The following ASZ1 variants were observed in gnomAD, a reference collection of about 807,000 sequenced individuals.
The protein encoded by ASZ1 is ankyrin repeat, SAM and basic leucine zipper domain-containing protein 1.
In ASZ1, 67 loss-of-function variants were observed where a neutral mutation model predicts 61.8. The observed-to-expected ratio is 1.08, with a 90% CI of 0.89 to 1.33. The LOEUF is 1.33. Among genes scored for constraint, ASZ1 ranks in the 40% most tolerant of loss-of-function variants. The probability of loss-of-function intolerance (pLI) is 0.00; values close to 1 mark genes in which losing one functional copy is unlikely to be tolerated. For missense variants in ASZ1, 577 were observed against 554.5 expected (o/e 1.04, Z -0.41); for synonymous variants, 193 against 192.7 (o/e 1.00, Z -0.01).
chr7:117,419,530 T>C (rs1041592239), intron 4 of ASZ1, among the ~76,000 whole-genome samples: 40 of 152,306 alleles, frequency 2.6e-4, no homozygotes, highest in African/African-American at 9.6e-4. Flanking sequence ...TCCTACTCAT[T>C]TTAAAGATTA....
chr7:117,399,224 GTC>G (rs1268125061), intron 4 of ASZ1, among the ~76,000 whole-genome samples: 1 of 152,090 alleles, frequency 6.6e-6, no homozygotes, highest in Non-Finnish European at 1.5e-5. Flanking sequence ...GCAAGACTGT[GTC>G]TCAAAACTGA....
intron 4 of ASZ1, among the ~76,000 whole-genome samples, chr7:117,400,276 A>G (rs1455004798): frequency 6.6e-6 from 1 of 152,230 alleles, no homozygotes; most frequent in Admixed American, 6.5e-5. Context: ...TCCAGCTATC[A>G]GAAAAGTTTT....
intron 4 of ASZ1, among the ~76,000 whole-genome samples, chr7:117,403,881 G>T (rs538594303): frequency 6.6e-6 from 1 of 152,156 alleles, no homozygotes; most frequent in African/African-American, 2.4e-5. Flanking sequence ...CAGATCAGTG[G>T]TGGCATTAGA....
Position 117,426,839 on chromosome 7 carries a change from A to G in ASZ1, c.202T>C (p.Ser68Pro). 6.3e-7 allele frequency: 1 copy of G among 1,597,634 alleles called. No homozygotes were observed. The highest frequency in any genetic ancestry group is 8.5e-7 in the Non-Finnish European group (1 of 1,175,590). Residue 68 changes from serine (S) to proline (P), a missense_variant, in exon 2 of 13, where the codon TCT (serine) becomes CCT (proline). Ser to Pro is a moderately conservative substitution (Grantham distance 74). Coordinates refer to ENST00000284629, the MANE Select transcript of ASZ1 (RefSeq NM_130768.3). ...DVSLVQELLD[S>P]GISVDSNFQY... ...GAAACTGTCCCTTATCTCTCACCAG[A>G]ATCTAGGAGCTCCTGGACCAATGAA...
At position 117,420,199 on chromosome 7, in the gene ASZ1, A is replaced by G; in HGVS notation, c.404T>C (p.Leu135Pro). The G allele has an allele frequency of 1.2e-6, 2 of 1,612,014 alleles. No homozygotes were observed. The highest frequency in any genetic ancestry group is 1.7e-6 in the Non-Finnish European group (2 of 1,179,382). ...EEQILKCVEL[L>P]LSRNADPNVA... Reference sequence around the variant, plus strand: ...ATTTGGATCAGCATTTCTTGAAAGTAGTAGTTCTACACACTTCAAGATCTG... The same window carrying G: ...ATTTGGATCAGCATTTCTTGAAAGTGGTAGTTCTACACACTTCAAGATCTG... Residue 135 changes from leucine (L) to proline (P), a missense_variant, in exon 4 of 13, where the codon CTA becomes CCA. Transcript: ENST00000284629.
intron 8 of ASZ1, among the ~76,000 whole-genome samples, chr7:117,381,592 T>C (rs1225358285): frequency 1.3e-5 from 2 of 152,116 alleles, no homozygotes; most frequent in Non-Finnish European, 2.9e-5. Context: ...AACCCCATAA[T>C]GTATGCTTAA....
At position 117,395,112 on chromosome 7, in the gene ASZ1, G is replaced by A. The variant is rs114363455; in HGVS notation, c.441-9303C>T. Among the ~76,000 whole-genome samples the A allele has an allele frequency of 5.9e-3, 900 of 152,326 alleles. 15 individuals carry two copies. Among genetic ancestry groups the A allele is most frequent in the African/African-American group, 0.019 (787 of 41,578 alleles). ...AAAGGCCTCCAAACACAGAAGACAA[G>A]ATAACCTTGTCTATCAGTAATGCAG... On this transcript the variant is annotated intron_variant, in intron 4 of 12. Coordinates refer to ENST00000284629, the MANE Select transcript of ASZ1 (RefSeq NM_130768.3).
chr7:117,405,212 TA>T (rs1261010047), intron 4 of ASZ1, among the ~76,000 whole-genome samples: 1 of 152,178 alleles, frequency 6.6e-6, no homozygotes, highest in African/African-American at 2.4e-5. Context: ...CTGACAGCCC[TA>T]ACTTGTCAGC....
At chr7:117,411,949 C>T (rs1796897249) in intron 4 of ASZ1, among the ~76,000 whole-genome samples, 2 of 151,186 alleles carry the variant, frequency 1.3e-5, no homozygotes, top group Admixed American at 6.6e-5. Flanking sequence ...AATTACAGTA[C>T]ATTAATAATA....
At chr7:117,408,287 G>A (rs1796830181) in intron 4 of ASZ1, among the ~76,000 whole-genome samples, 1 of 152,092 alleles carries the variant, frequency 6.6e-6, no homozygotes, top group Non-Finnish European at 1.5e-5. Flanking sequence ...GCTTTCAGAA[G>A]TTCTAGTGTC....
chr7:117,393,007 T>G (rs1254422131), intron 4 of ASZ1, among the ~76,000 whole-genome samples: 1 of 152,028 alleles, frequency 6.6e-6, no homozygotes, highest in Non-Finnish European at 1.5e-5. Flanking sequence ...CCACCATGCC[T>G]GGCTAATTTT....
chr7:117,423,166 T>C (rs1007224499), intron 2 of ASZ1, among the ~76,000 whole-genome samples: 2 of 152,104 alleles, frequency 1.3e-5, no homozygotes, highest in East Asian at 3.9e-4. Context: ...TGACAAGCAG[T>C]GAGCTAAAAT....
chr7:117,371,832 G>A (rs1206676017), intron 10 of ASZ1, among the ~76,000 whole-genome samples: 1 of 152,104 alleles, frequency 6.6e-6, no homozygotes, highest in Non-Finnish European at 1.5e-5. Flanking sequence ...ACTGATAGCA[G>A]GTATGTAATT....
intron 4 of ASZ1, among the ~76,000 whole-genome samples, chr7:117,408,892 A>G (rs973020315): frequency 3.3e-5 from 5 of 152,066 alleles, no homozygotes; most frequent in African/African-American, 1.2e-4. Flanking sequence ...AATGTTCTAT[A>G]TTTTGAAAGA....
At chr7:117,422,429 TTAAAGTACTGTG>T (rs1797116778) in intron 2 of ASZ1, 70 bp from the exon 3 acceptor site, 1 of 1,520,200 alleles carries the variant, frequency 6.6e-7, no homozygotes, top group Non-Finnish European at 8.9e-7. Context: ...CCTTATATGC[TTAAAGTACTGTG>T]TAAAGTGACG....
At chr7:117,406,766 A>T (rs1034347854) in intron 4 of ASZ1, among the ~76,000 whole-genome samples, 2 of 150,748 alleles carry the variant, frequency 1.3e-5, no homozygotes, top group Non-Finnish European at 3.0e-5. Flanking sequence ...AAAAAAAAAA[A>T]TAGCGATAGA....
At position 117,422,264 on chromosome 7, in the gene ASZ1, T is replaced by C. The variant is rs1278610422; in HGVS notation, c.301A>G (p.Arg101Gly). 7 of 1,613,914 alleles carry C rather than the reference T, an allele frequency of 4.3e-6. No homozygotes were observed. Among genetic ancestry groups the C allele is most frequent in the Non-Finnish European group, 4.2e-6 (5 of 1,179,916 alleles). The stretch of plus-strand genomic sequence containing the variant: ...TTCTCAAAGCTTGCATTAGCACCTC[T>C]GTCCAAAAGGACCCGAACCAGCTCT... Reference protein sequence around the residue: ...NAELVRVLLDRGANASFEKDK... With the variant: ...NAELVRVLLDGGANASFEKDK... Residue 101 changes from arginine (R) to glycine (G), a missense_variant, in exon 3 of 13, where the codon AGA becomes GGA. Physicochemically the swap from Arg to Gly is moderately radical, Grantham distance 125. Coordinates refer to ENST00000284629, the MANE Select transcript of ASZ1 (RefSeq NM_130768.3).
chr7:117,381,195 G>A (rs1796243560), intron 8 of ASZ1, 128 bp from the exon 9 acceptor site: 6 of 688,978 alleles, frequency 8.7e-6, no homozygotes, highest in Middle Eastern at 2.7e-4. Context: ...GAGGGGACAG[G>A]ATATATACAT....
In ASZ1 at chr7:117,422,360, C is replaced by T. The variant is rs1245761752; in HGVS notation, c.206-1G>A. On this transcript the variant is annotated splice_acceptor_variant, in intron 2 of 12. Coordinates refer to ENST00000284629, the MANE Select transcript of ASZ1 (RefSeq NM_130768.3). LOFTEE classifies it high-confidence loss of function. ...TGAAAGTTGGAATCTACACTAATGC[C>T]TGTCAATATAAAAACAAGCTTTTAA... The T allele has an allele frequency of 2.5e-6, 4 of 1,607,712 alleles. No individual in the cohort carries two copies. The highest frequency in any genetic ancestry group is 1.7e-6 in the Non-Finnish European group (2 of 1,178,428).
Sources: allele counts gnomAD v4.1 joint callset (sites outside exome capture counted in the v4.1 genomes callset), GRCh38; gene constraint gnomAD v4.1.1; transcripts MANE v1.5; gene names NCBI Gene and HGNC (gene_info 2026-07-23, HGNC 2026-07-21).